The following DENR variants were observed in gnomAD, a reference collection of about 807,000 sequenced individuals.
DENR encodes the protein density regulated re-initiation and release factor.
Under a neutral mutation model 30.6 loss-of-function variants are expected in DENR, and 6 were observed. The ratio of observed to expected loss-of-function variants is 0.20; its 90% CI spans 0.11 to 0.39. The LOEUF (loss-of-function observed/expected upper bound fraction) is 0.39. Among genes scored for constraint, DENR ranks in the 10% least tolerant of loss-of-function variants. The pLI is 1.00. For missense variants in DENR, 141 were observed against 230.9 expected, an observed-to-expected ratio of 0.61 and a Z score of 2.52; for synonymous variants, 78 against 72.1, an observed-to-expected ratio of 1.08 and a Z score of -0.41.
rs753813503 is a variant in DENR at position 122,762,889 on chromosome 12, A to G, written c.171A>G (p.Leu57=). Residue 57 remains leucine (L), a synonymous_variant, in exon 4 of 8, where the codon TTA becomes TTG. Transcript: ENST00000280557. The part of the protein sequence containing the change: ...MPDVAKCRQW[L]EKNFPNEFAK... ...ATGTTGCTAAATGTAGACAATGGTT[A>G]GAGAAGAATTTTCCAAATGAATTTG... 5 of 1,550,084 alleles carry G rather than the reference A, an allele frequency of 3.2e-6. No individual in the cohort carries two copies. Among genetic ancestry groups the G allele is most frequent in the Non-Finnish European group, 4.4e-6 (5 of 1,146,520 alleles).
intron 2 of DENR, among the ~76,000 whole-genome samples, chr12:122,760,791 T>C (rs1004891331): frequency 6.6e-6 from 1 of 152,118 alleles, no homozygotes; most frequent in Admixed American, 6.5e-5. Context: ...ACGGTTAAAA[T>C]TGGAAGCTTT....
At chr12:122,763,748 A>G (rs1299959225) in intron 4 of DENR, among the ~76,000 whole-genome samples, 1 of 152,194 alleles carries the variant, frequency 6.6e-6, no homozygotes, top group Non-Finnish European at 1.5e-5. Flanking sequence ...GCAAATATAT[A>G]TTGATTTTTA....
chr12:122,769,251 T>C lies in DENR; in HGVS notation c.*173T>C, dbSNP rs200461665. 126 of 706,698 alleles carry C rather than the reference T, an allele frequency of 1.8e-4. 8 individuals carry two copies. Among genetic ancestry groups the C allele is most frequent in the East Asian group, 3.8e-4 (5 of 13,316 alleles). The allele number at this position is 706,698 out of a possible 1,614,324, so 43.8% of individuals were successfully genotyped here. On this transcript the variant is annotated 3_prime_UTR_variant, in exon 8 of 8. Transcript: ENST00000280557. ...ACATGTGTGTATGTATACATGTATATATATATACATACACATATATGTATA... is the reference window on the plus strand; with the variant it reads ...ACATGTGTGTATGTATACATGTATACATATATACATACACATATATGTATA...
At chr12:122,760,647 C>T (rs1395068835) in intron 2 of DENR, among the ~76,000 whole-genome samples, 3 of 152,194 alleles carry the variant, frequency 2.0e-5, no homozygotes, top group African/African-American at 7.2e-5. Flanking sequence ...AGGAGAATGG[C>T]GTGAACCCGG....
intron 3 of DENR, 70 bp from the exon 4 acceptor site, chr12:122,762,775 A>G: frequency 9.4e-7 from 1 of 1,066,632 alleles, no homozygotes. Context: ...ATAGGGGGTG[A>G]TTTTTAATTA....
rs374174907 is a variant in DENR, at chr12:122,765,386, A to G, written c.294A>G (p.Arg98=). Residue 98 remains arginine (R), a splice_region_variant and synonymous_variant, in exon 5 of 8, where the codon AGA becomes AGG. Coordinates refer to ENST00000280557, the MANE Select transcript of DENR (RefSeq NM_003677.5). ...AAGAGGAGAAGAAAAAACAGAAGAG[A>G]GGTAAGACCTAAATTCACATCTTGA... The part of the protein sequence containing the change: ...GEEEEKKKQK[R]GGRGQIKQKK... 4.5e-5 allele frequency: 69 copies of G among 1,550,072 alleles called. No individual in the cohort carries two copies. Among genetic ancestry groups the G allele is most frequent in the Non-Finnish European group, 5.6e-5 (64 of 1,145,552 alleles).
chr12:122,755,070 C>G (rs544295356), intron 2 of DENR, among the ~76,000 whole-genome samples: 1 of 152,186 alleles, frequency 6.6e-6, no homozygotes, highest in African/African-American at 2.4e-5. Context: ...ATGGAAGAAT[C>G]CAAGTATGCT....
At chr12:122,763,004 G>A (rs1878744759) in intron 4 of DENR, 75 bp downstream of exon 4, 8 of 828,188 alleles carry the variant, frequency 9.7e-6, no homozygotes, top group Non-Finnish European at 1.5e-5. Flanking sequence ...TCTAAAGATA[G>A]GAAAGTCCTC....
intron 6 of DENR, 64 bp downstream of exon 6, chr12:122,767,668 C>G (rs1424954946): frequency 9.3e-6 from 8 of 863,976 alleles, no homozygotes; most frequent in Non-Finnish European, 1.4e-5. Flanking sequence ...CTCCCTCTAT[C>G]TCTCTGTCTC....
chr12:122,759,426 T>C (rs964831335), intron 2 of DENR, among the ~76,000 whole-genome samples: 3 of 152,132 alleles, frequency 2.0e-5, no homozygotes, highest in African/African-American at 7.2e-5. Context: ...AGAATTTTGC[T>C]GAACCGGGCC....
chr12:122,769,118 G>T lies in DENR; in HGVS notation c.*40G>T, dbSNP rs1384252830. 6.4e-7 allele frequency: 1 copy of T among 1,569,086 alleles called. No individual in the cohort carries two copies. Among genetic ancestry groups the T allele is most frequent in the Non-Finnish European group, 8.7e-7 (1 of 1,155,580 alleles). ...CTGTATTTAATGGCCTGAACTGAGAGTTGATATGGCCAAAGGGAGAGAGGC... is the reference window on the plus strand; with the variant it reads ...CTGTATTTAATGGCCTGAACTGAGATTTGATATGGCCAAAGGGAGAGAGGC... On this transcript the variant is annotated 3_prime_UTR_variant, in exon 8 of 8. Coordinates refer to ENST00000280557, the MANE Select transcript of DENR (RefSeq NM_003677.5).
intron 1 of DENR, 84 bp from the exon 2 acceptor site, chr12:122,753,609 G>T: frequency 1.0e-6 from 1 of 995,382 alleles, no homozygotes; most frequent in East Asian, 2.6e-5. Context: ...CTTTGGGGTG[G>T]GGAGGTTTCT....
chr12:122,766,747 C>T lies in DENR; in HGVS notation c.296-741C>T, dbSNP rs1274812232. Among the ~76,000 whole-genome samples the T allele has an allele frequency of 4.6e-5, 7 of 151,968 alleles. No homozygotes were observed. The South Asian group carries it at 6.3e-4, about 14-fold the overall frequency. On this transcript the variant is annotated intron_variant, in intron 5 of 7. Coordinates refer to ENST00000280557, the MANE Select transcript of DENR (RefSeq NM_003677.5). Reference sequence around the variant, plus strand: ...CTCAGTTCTTGCTTCTGTTCTTTCTCCTCCCTCCTCTCCTGCCTGTGGCCT... The same window carrying T: ...CTCAGTTCTTGCTTCTGTTCTTTCTTCTCCCTCCTCTCCTGCCTGTGGCCT...
intron 6 of DENR, 21 bp downstream of exon 6, chr12:122,767,625 ATT>A: frequency 7.3e-7 from 1 of 1,374,106 alleles, no homozygotes; most frequent in Non-Finnish European, 1.0e-6. Flanking sequence ...GCTTAAGTAT[ATT>A]TAAAATGTGT....
chr12:122,769,516 T>A lies in DENR; in HGVS notation c.*438T>A. ...ACTTTCTCTCTCTCTCTCTCTCTCT[T>A]TTTTTTTTTTGACAGAGTCTCGCAC... On this transcript the variant is annotated 3_prime_UTR_variant, in exon 8 of 8. Coordinates refer to ENST00000280557, the MANE Select transcript of DENR (RefSeq NM_003677.5). 2 of 797,766 alleles carry A rather than the reference T, an allele frequency of 2.5e-6. No individual in the cohort carries two copies. The highest frequency in any genetic ancestry group is 3.0e-6 in the Non-Finnish European group (2 of 675,426). 49.4% of individuals were successfully genotyped at this position (797,766 alleles called of 1,614,324 possible). A position where few individuals can be genotyped will look rare whatever the true frequency, so the allele number is the denominator to read the frequency against.
At chr12:122,758,858 T>C (rs946687962) in intron 2 of DENR, among the ~76,000 whole-genome samples, 1 of 151,396 alleles carries the variant, frequency 6.6e-6, no homozygotes, top group Non-Finnish European at 1.5e-5. Flanking sequence ...TTATTTATTT[T>C]TTTTTTGAGT....
At position 122,770,858 on chromosome 12, in the gene DENR, C is replaced by T. The variant is rs1879018544; in HGVS notation, c.*1780C>T. On this transcript the variant is annotated 3_prime_UTR_variant, in exon 8 of 8. Transcript: ENST00000280557. ...TTACTAAATAGAATTACTGGTGAAG[C>T]AGATTTATCCATCGAGACTATCTGG... The T allele has an allele frequency of 5.0e-6, 2 of 396,434 alleles. No individual in the cohort carries two copies. Among genetic ancestry groups the T allele is most frequent in the Non-Finnish European group, 8.9e-6 (2 of 225,512 alleles). The allele number at this position is 396,434 out of a possible 1,614,324, so 24.6% of individuals were successfully genotyped here.
chr12:122,753,615 T>A, intron 1 of DENR, 78 bp from the exon 2 acceptor site: 1 of 1,121,908 alleles, frequency 8.9e-7, no homozygotes. Context: ...GGTGGGGAGG[T>A]TTCTGTTGAG....
At chr12:122,761,202 A>G (rs1249634070) in intron 2 of DENR, among the ~76,000 whole-genome samples, 2 of 152,104 alleles carry the variant, frequency 1.3e-5, no homozygotes, top group African/African-American at 2.4e-5. Context: ...ACCTGAGGTC[A>G]GGAGTTTGAG....
Sources: gnomAD v4.1 joint callset for allele counts (sites outside exome capture counted in the v4.1 genomes callset) on GRCh38, gnomAD v4.1.1 for gene constraint, MANE v1.5 for transcripts, NCBI Gene and HGNC (gene_info 2026-07-23, HGNC 2026-07-21) for gene names.